NEMP2: variants seen among roughly 807,000 people sequenced by gnomAD.
NEMP2 encodes UPF0571 transmembrane protein.
In NEMP2, 53 loss-of-function variants were observed where a neutral mutation model predicts 54.2. That is an observed-to-expected ratio of 0.98 (90% CI 0.78 to 1.23). The LOEUF (loss-of-function observed/expected upper bound fraction) is 1.23. NEMP2 is among the 50% of genes most tolerant of loss of function. NEMP2 has a pLI of 0.00. For synonymous variants in NEMP2, 197 were observed against 190.3 expected (o/e 1.04, Z -0.29); for missense variants, 455 against 511.3 (o/e 0.89, Z 1.06).
At chr2:190,546,142 T>TC in the NEMP2 span, among the ~76,000 whole-genome samples, 4 of 152,174 alleles carry the variant, frequency 2.6e-5, no homozygotes, top group African/African-American at 9.6e-5. The surrounding 1 kb of genome is among the most constrained non-coding windows in gnomAD (Gnocchi z 5.1). Context: ...TATAAATAAT[T>TC]CAACAAATAC....
rs200708557 is a variant in NEMP2, at chr2:190,510,450, C to T, written c.1041G>A (p.Thr347=). Reference sequence around the variant, plus strand: ...GGCGTAGCTCCTCCAGAGCACTGTTCGTTTCAGCATCAGCTTGCTCCCTGT... The same window carrying T: ...GGCGTAGCTCCTCCAGAGCACTGTTTGTTTCAGCATCAGCTTGCTCCCTGT... ...DEYREQADAE[T]NSALEELRRA... The change falls in exon 8 of 9, where the codon ACG becomes ACA. Residue 347 remains threonine, a synonymous_variant. Coordinates refer to ENST00000409150, the MANE Select transcript of NEMP2 (RefSeq NM_001142645.2). The surrounding 1 kb of genome is among the most constrained non-coding windows in gnomAD (Gnocchi z 5.7). The T allele has an allele frequency of 2.7e-5, 42 of 1,551,636 alleles. No homozygotes were observed. Among genetic ancestry groups the T allele is most frequent in the South Asian group, 4.8e-5 (4 of 84,052 alleles).
chr2:190,631,885 A>C, the NEMP2 span, among the ~76,000 whole-genome samples: 2 of 151,950 alleles, frequency 1.3e-5, no homozygotes, highest in Admixed American at 1.3e-4. Flanking sequence ...ACAAAACCCC[A>C]TCTCTACTAA....
the NEMP2 span, among the ~76,000 whole-genome samples, chr2:190,642,209 TTTTTTG>T: frequency 1.3e-5 from 2 of 152,170 alleles, no homozygotes; most frequent in African/African-American, 4.8e-5. The surrounding 1 kb of genome is among the most constrained non-coding windows in gnomAD (Gnocchi z 4.1). Flanking sequence ...CTCGGGTTTT[TTTTTTG>T]TTGTTGTTGT....
At chr2:190,494,104 A>T in the NEMP2 span, among the ~76,000 whole-genome samples, 1 of 152,118 alleles carries the variant, frequency 6.6e-6, no homozygotes, top group Non-Finnish European at 1.5e-5. This position sits in a 1 kb window ranked among gnomAD's most constrained non-coding sequence, Gnocchi z 5.7. Flanking sequence ...TTGATATATC[A>T]TTAACAAGAT....
chr2:190,562,598 A>G, the NEMP2 span, among the ~76,000 whole-genome samples: 1 of 152,226 alleles, frequency 6.6e-6, no homozygotes, highest in Non-Finnish European at 1.5e-5. The surrounding 1 kb of genome is among the most constrained non-coding windows in gnomAD (Gnocchi z 5.0). Context: ...CTCTCTAAGT[A>G]TCAGTTAATT....
chr2:190,615,952 G>C, the NEMP2 span, among the ~76,000 whole-genome samples: 1 of 152,318 alleles, frequency 6.6e-6, no homozygotes, highest in African/African-American at 2.4e-5. The surrounding 1 kb of genome is among the most constrained non-coding windows in gnomAD (Gnocchi z 4.7). Context: ...GGAAGCTCCA[G>C]CCTATTCTCA....
At chr2:190,564,640 G>A in the NEMP2 span, among the ~76,000 whole-genome samples, 8 of 152,090 alleles carry the variant, frequency 5.3e-5, no homozygotes, top group Non-Finnish European at 1.0e-4. The surrounding 1 kb of genome is among the most constrained non-coding windows in gnomAD (Gnocchi z 4.2). Context: ...AGCTTCTCAC[G>A]TAAAAATCTC....
At chr2:190,576,600 G>A in the NEMP2 span, among the ~76,000 whole-genome samples, 1 of 141,092 alleles carries the variant, frequency 7.1e-6, no homozygotes, top group Non-Finnish European at 1.5e-5. Flanking sequence ...TGAATTGAGG[G>A]TGAATTTACT....
chr2:190,642,439 G>T, the NEMP2 span, among the ~76,000 whole-genome samples: 62 of 152,138 alleles, frequency 4.1e-4, no homozygotes, highest in African/African-American at 1.4e-3. The surrounding 1 kb of genome is among the most constrained non-coding windows in gnomAD (Gnocchi z 4.1). Context: ...AATGGATAAA[G>T]GTTTGCTTAT....
the NEMP2 span, chr2:190,477,400 T>A: frequency 1.0e-6 from 1 of 953,936 alleles, no homozygotes; most frequent in East Asian, 1.2e-4. Context: ...AGAAAAGAAA[T>A]GACTATATAT....
rs1296300179 is a variant in NEMP2 at position 190,527,557 on chromosome 2, A to C, written c.98-2179T>G. Among the ~76,000 whole-genome samples the C allele has an allele frequency of 6.6e-6, 1 of 152,238 alleles. No homozygotes were observed. The highest frequency in any genetic ancestry group is 1.5e-5 in the Non-Finnish European group (1 of 68,046). Reference sequence around the variant, plus strand: ...AAATGCATATGTTTCTAAATATATCAAGAAATTTGCAGAGTTTGAGAGTCC... The same window carrying C: ...AAATGCATATGTTTCTAAATATATCCAGAAATTTGCAGAGTTTGAGAGTCC... On this transcript the variant is annotated intron_variant, in intron 1 of 8. Transcript: ENST00000409150. This position sits in a 1 kb window ranked among gnomAD's most constrained non-coding sequence, Gnocchi z 4.0.
chr2:190,465,571 G>T, the NEMP2 span, among the ~76,000 whole-genome samples: 35,306 of 151,988 alleles, frequency 0.23, 5,049 homozygotes, highest in South Asian at 0.34. The surrounding 1 kb of genome is among the most constrained non-coding windows in gnomAD (Gnocchi z 4.6). Flanking sequence ...GAATTTGATT[G>T]TCTAGAAAAT....
chr2:190,607,480 A>G, the NEMP2 span, among the ~76,000 whole-genome samples: 1 of 152,148 alleles, frequency 6.6e-6, no homozygotes, highest in African/African-American at 2.4e-5. The surrounding 1 kb of genome is among the most constrained non-coding windows in gnomAD (Gnocchi z 5.2). Context: ...TTTTAAATCC[A>G]AAGTGATTCT....
chr2:190,424,951 G>A, the NEMP2 span, among the ~76,000 whole-genome samples: 1 of 152,152 alleles, frequency 6.6e-6, no homozygotes, highest in Non-Finnish European at 1.5e-5. This position sits in a 1 kb window ranked among gnomAD's most constrained non-coding sequence, Gnocchi z 5.9. Context: ...GATAGGAGTT[G>A]TGTTAAACCT....
upstream of NEMP2, among the ~76,000 whole-genome samples, chr2:190,539,398 G>C (rs985853009): frequency 2.0e-5 from 3 of 152,108 alleles, no homozygotes; most frequent in Non-Finnish European, 2.9e-5. The surrounding 1 kb of genome is among the most constrained non-coding windows in gnomAD (Gnocchi z 4.1). Flanking sequence ...CTCCAGCTTT[G>C]TTCTTTTCGC....
chr2:190,582,073 T>C, the NEMP2 span, among the ~76,000 whole-genome samples: 9 of 152,184 alleles, frequency 5.9e-5, no homozygotes, highest in African/African-American at 1.9e-4. This position sits in a 1 kb window ranked among gnomAD's most constrained non-coding sequence, Gnocchi z 4.6. Flanking sequence ...AGTAAGGATA[T>C]GCTAGAGGTG....
the NEMP2 span, among the ~76,000 whole-genome samples, chr2:190,618,497 C>T: frequency 4.5e-3 from 685 of 152,320 alleles, 3 homozygotes; most frequent in Non-Finnish European, 7.0e-3. Flanking sequence ...ATCCCTCCTT[C>T]CCGCTCTTCG....
the NEMP2 span, chr2:190,489,637 C>A: frequency 1.3e-6 from 1 of 787,180 alleles, no homozygotes; most frequent in Non-Finnish European, 2.0e-6. This position sits in a 1 kb window ranked among gnomAD's most constrained non-coding sequence, Gnocchi z 6.6. Context: ...GGAGCTAATA[C>A]CCAACTACTT....
chr2:190,542,238 G>A, the NEMP2 span, among the ~76,000 whole-genome samples: 1 of 152,196 alleles, frequency 6.6e-6, no homozygotes, highest in African/African-American at 2.4e-5. This position sits in a 1 kb window ranked among gnomAD's most constrained non-coding sequence, Gnocchi z 4.6. Flanking sequence ...TTGAGGTGGA[G>A]TCTTGCTCTG....
Sources: allele counts gnomAD v4.1 joint callset (sites outside exome capture counted in the v4.1 genomes callset), GRCh38; gene constraint gnomAD v4.1.1; non-coding constraint Gnocchi (gnomAD v3.1); transcripts MANE v1.5; gene names NCBI Gene and HGNC (gene_info 2026-07-23, HGNC 2026-07-21).